Variants in ITIH4 observed in about 807,000 individuals in gnomAD.
The protein encoded by ITIH4 is inter-alpha-trypsin inhibitor heavy chain 4.
A neutral mutation model predicts 111.8 loss-of-function variants in ITIH4; 79 were observed. The ratio of observed to expected loss-of-function variants is 0.71; its 90% CI spans 0.59 to 0.85. The LOEUF (loss-of-function observed/expected upper bound fraction) is 0.85. Among genes scored for constraint, ITIH4 ranks in the 40% least tolerant of loss-of-function variants. The pLI is 0.00. For synonymous variants in ITIH4, 472 were observed against 468.3 expected, an observed-to-expected ratio of 1.01 and a Z score of -0.10; for missense variants, 1,065 against 1,195.8, an observed-to-expected ratio of 0.89 and a Z score of 1.61.
rs1273593652 is a variant in ITIH4 at position 52,818,262 on chromosome 3, G to A, written c.2174C>T (p.Thr725Ile). 1 of 1,582,528 alleles carries A rather than the reference G, an allele frequency of 6.3e-7. No homozygotes were observed. The highest frequency in any genetic ancestry group is 1.2e-5 in the South Asian group (1 of 84,738). The change falls in exon 19 of 24, where the codon ACC (threonine) becomes ATC (isoleucine). Residue 725 changes from threonine (T) to isoleucine (I), a missense_variant. Thr to Ile is a moderately conservative substitution (Grantham distance 89). Transcript: ENST00000266041. The stretch of plus-strand genomic sequence containing the variant: ...CAAGGGGGCTGGGAACTTACCTGGG[G>A]TTTGGGTTGTCATGGTTGTTTCTAA... ...KIEETTMTTQ[T>I]PAPIQAPSAI...
chr3:52,829,390 C>T, intron 1 of ITIH4, 111 bp from the exon 2 acceptor site: 1 of 1,166,122 alleles, frequency 8.6e-7, no homozygotes, highest in South Asian at 1.5e-5. Context: ...CCCTGGCTCC[C>T]AATCTGACTG....
At chr3:52,819,683 C>A in intron 16 of ITIH4, 71 bp downstream of exon 16, 1 of 1,586,878 alleles carries the variant, frequency 6.3e-7, no homozygotes, top group Non-Finnish European at 8.6e-7. Context: ...GGGAGATGAA[C>A]AATAATGGAC....
intron 20 of ITIH4, 75 bp from the exon 21 acceptor site, chr3:52,817,133 C>A (rs1172479293): frequency 6.4e-6 from 8 of 1,256,008 alleles, no homozygotes; most frequent in Admixed American, 2.0e-5. Flanking sequence ...GGGAGTCCCC[C>A]CTGATCACAC....
chr3:52,818,850 G>A (rs1700324958), intron 17 of ITIH4: 2 of 413,906 alleles, frequency 4.8e-6, no homozygotes, highest in South Asian at 2.8e-5. Flanking sequence ...AGAGTATAGT[G>A]GATCCTACTC....
chr3:52,818,740 G>A (rs144545425), intron 17 of ITIH4: 3 of 589,046 alleles, frequency 5.1e-6, no homozygotes, highest in East Asian at 2.9e-5. Context: ...GCATTCGAGT[G>A]CAGATTTGGG....
At position 52,819,933 on chromosome 3, in the gene ITIH4, T is replaced by G. The variant is rs912434744; in HGVS notation, c.1912+7A>C. 1 of 1,612,270 alleles carries G rather than the reference T, an allele frequency of 6.2e-7. No homozygotes were observed. The highest frequency in any genetic ancestry group is 8.5e-7 in the Non-Finnish European group (1 of 1,178,352). On this transcript the variant is annotated splice_region_variant and intron_variant, in intron 15 of 23. Coordinates refer to ENST00000266041, the MANE Select transcript of ITIH4 (RefSeq NM_002218.5). ...ATCTCCCCTCCCCCCACCTCCTACT[T>G]TGTCACCTGGTTTTGGTATTTTTGC...
At chr3:52,816,557 G>A (rs1340445032) in intron 21 of ITIH4, among the ~76,000 whole-genome samples, 1 of 152,166 alleles carries the variant, frequency 6.6e-6, no homozygotes, top group Non-Finnish European at 1.5e-5. Flanking sequence ...TCTGGGCCAG[G>A]ATGATTAGTA....
Position 52,813,298 on chromosome 3 carries a change from A to G in ITIH4, c.*123T>C. The G allele has an allele frequency of 1.1e-6, 1 of 888,194 alleles. No homozygotes were observed. The highest frequency in any genetic ancestry group is 2.4e-5 in the East Asian group (1 of 41,282). 55.0% of individuals were successfully genotyped at this position (888,194 alleles called of 1,614,324 possible). A position where few individuals can be genotyped will look rare whatever the true frequency, so the allele number is the denominator to read the frequency against. ...GACACCCACTTCCCAGGCTCACACC[A>G]CCTTTCTTTATTTGTAATGAGTGGG... is the stretch of plus-strand genomic sequence containing the variant. On this transcript the variant is annotated 3_prime_UTR_variant, in exon 24 of 24. Coordinates refer to ENST00000266041, the MANE Select transcript of ITIH4 (RefSeq NM_002218.5).
chr3:52,820,164 G>A lies in ITIH4; in HGVS notation c.1861+127C>T, dbSNP rs548578520. Reference sequence around the variant, plus strand: ...GGTCAGATTACACTGCCTCCTGGCAGCAGGGATGGGCTGGAGAGGCCTGGG... The same window carrying A: ...GGTCAGATTACACTGCCTCCTGGCAACAGGGATGGGCTGGAGAGGCCTGGG... On this transcript the variant is annotated intron_variant, in intron 14 of 23. Transcript: ENST00000266041. 4.7e-5 allele frequency: 64 copies of A among 1,374,548 alleles called. No individual in the cohort carries two copies. The South Asian group carries it at 7.9e-4, about 17-fold the overall frequency. 85.1% of individuals were successfully genotyped at this position (1,374,548 alleles called of 1,614,324 possible).
intron 21 of ITIH4, among the ~76,000 whole-genome samples, 161 bp from the exon 22 acceptor site, chr3:52,814,524 T>C (rs557471062): frequency 6.6e-5 from 10 of 152,300 alleles, no homozygotes; most frequent in Middle Eastern, 3.4e-3. Context: ...AGTTTCCTCA[T>C]TGGTAAAATA....
chr3:52,825,904 G>T lies in ITIH4; in HGVS notation c.741C>A (p.Ile247=). Residue 247 remains isoleucine (I), a synonymous_variant, in exon 6 of 24, where the codon ATC becomes ATA. Coordinates refer to ENST00000266041, the MANE Select transcript of ITIH4 (RefSeq NM_002218.5). ...LIIRYDVDRA[I]SGGSIQIENG... ...CACCCACCTGAATGGAGCCCCCGGA[G>T]ATGGCCCGGTCCACATCATAGCGGA... 2 of 1,613,978 alleles carry T rather than the reference G, an allele frequency of 1.2e-6. No individual in the cohort carries two copies. Among genetic ancestry groups the T allele is most frequent in the Non-Finnish European group, 1.7e-6 (2 of 1,179,936 alleles).
chr3:52,821,174 A>C, intron 11 of ITIH4, 44 bp from the exon 12 acceptor site: 5 of 1,593,666 alleles, frequency 3.1e-6, no homozygotes, highest in Non-Finnish European at 2.6e-6. Flanking sequence ...TGAGGGCCGG[A>C]CATCTGCATC....
Position 52,813,427 on chromosome 3 carries a change from C to G in ITIH4, c.2787G>C (p.Glu929Asp). Residue 929 changes from glutamate (E) to aspartate (D), a missense_variant, in exon 24 of 24, where the codon GAG (glutamate) becomes GAC (aspartate). Glu to Asp is a conservative substitution (Grantham distance 45). Coordinates refer to ENST00000266041, the MANE Select transcript of ITIH4 (RefSeq NM_002218.5). ...PGVEISCWSV[E>D]L ...ACAGCTCCTTCCATCAGAACTACAG[C>G]TCCACAGACCAGCAGGAAATCTCCA... The G allele has an allele frequency of 6.2e-7, 1 of 1,614,074 alleles. No homozygotes were observed. The highest frequency in any genetic ancestry group is 2.2e-5 in the East Asian group (1 of 44,888).
At chr3:52,817,712 T>C (rs1251415790) in intron 20 of ITIH4, among the ~76,000 whole-genome samples, 1 of 152,228 alleles carries the variant, frequency 6.6e-6, no homozygotes, top group Non-Finnish European at 1.5e-5. Context: ...ATCCTCATGC[T>C]GGTCTCTGTG....
intron 1 of ITIH4, chr3:52,830,027 C>T (rs891212005): frequency 3.4e-6 from 1 of 294,022 alleles, no homozygotes; most frequent in African/African-American, 2.2e-5. Context: ...CTGCATGCGG[C>T]TGCCTGAATG....
At chr3:52,818,689 G>C in intron 17 of ITIH4, 153 bp from the exon 18 acceptor site, 1 of 666,418 alleles carries the variant, frequency 1.5e-6, no homozygotes, top group Non-Finnish European at 2.7e-6. Flanking sequence ...TCAAACAGAA[G>C]AGCATGCTGT....
At chr3:52,823,258 T>A (rs1464958633) in intron 11 of ITIH4, 2 of 346,202 alleles carry the variant, frequency 5.8e-6, no homozygotes, top group Non-Finnish European at 1.1e-5. Context: ...CAGCCCTCCC[T>A]GTCTGACTGC....
At chr3:52,828,644 G>A (rs1402736709) in intron 2 of ITIH4, among the ~76,000 whole-genome samples, 1 of 152,166 alleles carries the variant, frequency 6.6e-6, no homozygotes, top group African/African-American at 2.4e-5. Context: ...GAAACCTCAG[G>A]CATCTCTCAC....
intron 10 of ITIH4, 38 bp downstream of exon 10, chr3:52,823,785 C>G (rs1700434153): frequency 6.2e-7 from 1 of 1,613,648 alleles, no homozygotes; most frequent in Admixed American, 1.7e-5. Context: ...TTATGACTGC[C>G]CACTTCTCTG....
Sources: gnomAD v4.1 joint callset for allele counts (sites outside exome capture counted in the v4.1 genomes callset) on GRCh38, gnomAD v4.1.1 for gene constraint, MANE v1.5 for transcripts, NCBI Gene and HGNC (gene_info 2026-07-23, HGNC 2026-07-21) for gene names.